The following CSMD3 variants were observed in gnomAD, a reference collection of about 807,000 sequenced individuals.
CSMD3 encodes CUB and sushi domain-containing protein 3.
A neutral mutation model predicts 435.2 loss-of-function variants in CSMD3; 177 were observed. That is an observed-to-expected ratio of 0.41 (90% CI 0.36 to 0.46). The LOEUF (loss-of-function observed/expected upper bound fraction) is 0.46. Ranked by LOEUF, CSMD3 falls within the 20% of genes least tolerant of loss-of-function variation. The pLI is 0.34. For synonymous variants in CSMD3, 1,656 were observed against 1,520.5 expected (o/e 1.09, Z -2.07); for missense variants, 4,265 against 4,504.6 (o/e 0.95, Z 1.52).
chr8:112,703,856 G>T (rs1377815319), intron 13 of CSMD3, among the ~76,000 whole-genome samples: 1 of 152,088 alleles, frequency 6.6e-6, no homozygotes, highest in Non-Finnish European at 1.5e-5. Flanking sequence ...TTTTGAGGAG[G>T]AAATCTATAA....
In CSMD3 at chr8:112,689,874, A is replaced by T. The variant is rs2131823638; in HGVS notation, c.2149T>A (p.Cys717Ser). The T allele has an allele frequency of 6.2e-7, 1 of 1,612,824 alleles. No individual in the cohort carries two copies. The highest frequency in any genetic ancestry group is 8.5e-7 in the Non-Finnish European group (1 of 1,179,000). The change falls in exon 14 of 71, where the codon TGT (cysteine) becomes AGT (serine). Residue 717 changes from cysteine to serine, a missense_variant. Cys to Ser is a moderately radical substitution (Grantham distance 112). Transcript: ENST00000297405. ...NNQWSANIPI[C>S]IFPCLSNFTA... ...CAAAGCATTTGGTACTCACAGATAC[A>T]GATGGGTATGTTTGCAGACCATTGG... is the stretch of plus-strand genomic sequence containing the variant.
chr8:112,713,773 A>T (rs1265309992), intron 13 of CSMD3, among the ~76,000 whole-genome samples: 1 of 152,200 alleles, frequency 6.6e-6, no homozygotes, highest in Non-Finnish European at 1.5e-5. Context: ...AATATTCAAC[A>T]TTCTTAAAAG....
chr8:112,742,189 C>T (rs944851814), intron 13 of CSMD3, among the ~76,000 whole-genome samples: 1 of 151,908 alleles, frequency 6.6e-6, no homozygotes, highest in Non-Finnish European at 1.5e-5. Flanking sequence ...AGAATCTGGA[C>T]TGCTAGTAAT....
At chr8:112,365,468 CT>C (rs546920182) in intron 38 of CSMD3, among the ~76,000 whole-genome samples, 10,859 of 111,998 alleles carry the variant, frequency 0.097, 1,150 homozygotes, top group African/African-American at 0.28. Flanking sequence ...CATAGATTTC[CT>C]TTTTTTTTTT....
chr8:112,475,532 G>A (rs185516864), intron 31 of CSMD3, among the ~76,000 whole-genome samples: 134 of 152,186 alleles, frequency 8.8e-4, no homozygotes, highest in African/African-American at 3.1e-3. Context: ...TAATTATGCA[G>A]TGTGTTATTA....
chr8:113,277,574 T>G (rs759020959), intron 3 of CSMD3, among the ~76,000 whole-genome samples: 1 of 151,982 alleles, frequency 6.6e-6, no homozygotes, highest in Non-Finnish European at 1.5e-5. Flanking sequence ...TGTGATTGTT[T>G]TCTTTAAACA....
intron 1 of CSMD3, among the ~76,000 whole-genome samples, chr8:113,410,315 A>G (rs558160363): frequency 4.5e-4 from 68 of 152,224 alleles, no homozygotes; most frequent in Middle Eastern, 3.4e-3. Flanking sequence ...ATCACCTACT[A>G]TCTCCTTAAT....
intron 3 of CSMD3, among the ~76,000 whole-genome samples, chr8:113,243,683 G>C (rs2093244708): frequency 1.3e-5 from 2 of 152,042 alleles, no homozygotes; most frequent in South Asian, 4.1e-4. Flanking sequence ...TTGAGTAACT[G>C]TCAAACTGTT....
At chr8:112,747,666 C>G (rs1034434028) in intron 13 of CSMD3, among the ~76,000 whole-genome samples, 21 of 152,108 alleles carry the variant, frequency 1.4e-4, no homozygotes, top group African/African-American at 5.1e-4. Flanking sequence ...GGCTGTGTCT[C>G]TATAAAACTT....
At chr8:112,410,626 G>GTGTATATATA (rs1832285043) in intron 32 of CSMD3, among the ~76,000 whole-genome samples, 1 of 33,468 alleles carries the variant, frequency 3.0e-5, no homozygotes, top group Admixed American at 2.8e-4. Flanking sequence ...GTATATATAT[G>GTGTATATATA]TGTATATATA....
At chr8:112,941,857 C>T (rs914005652) in intron 9 of CSMD3, among the ~76,000 whole-genome samples, 1 of 151,086 alleles carries the variant, frequency 6.6e-6, no homozygotes, top group Non-Finnish European at 1.5e-5. Context: ...CAAACACTAC[C>T]CCTCTCTCCC....
chr8:113,301,888 G>C (rs770507435), intron 2 of CSMD3, among the ~76,000 whole-genome samples: 44 of 152,008 alleles, frequency 2.9e-4, no homozygotes, highest in Non-Finnish European at 8.8e-5. Flanking sequence ...CGTTTTAACA[G>C]AAAATAGGTC....
intron 1 of CSMD3, among the ~76,000 whole-genome samples, chr8:113,365,981 T>G (rs373269958): frequency 7.2e-5 from 11 of 152,010 alleles, no homozygotes; most frequent in African/African-American, 2.4e-4. Context: ...ATCAATACAT[T>G]TAAAAATATT....
In CSMD3 at chr8:113,366,665, T is replaced by C. The variant is rs573873835; in HGVS notation, c.179-51872A>G. On this transcript the variant is annotated intron_variant, in intron 1 of 70. Transcript: ENST00000297405. ...TTCCAAAATGATGTCTTGAGAAAAC[T>C]AGAAGTTTGAGCGTATACCATGTGT... Among the ~76,000 whole-genome samples, 28 of 152,174 alleles carry C rather than the reference T, an allele frequency of 1.8e-4. No individual in the cohort carries two copies. The East Asian group carries it at 5.2e-3, about 28-fold the overall frequency.
chr8:113,420,530 A>G (rs545720188), intron 1 of CSMD3, among the ~76,000 whole-genome samples: 1 of 152,304 alleles, frequency 6.6e-6, no homozygotes, highest in South Asian at 2.1e-4. Context: ...ATTAGAAAAA[A>G]TGCTTAATAT....
intron 1 of CSMD3, among the ~76,000 whole-genome samples, chr8:113,336,207 A>G (rs1217354117): frequency 2.6e-5 from 4 of 151,880 alleles, no homozygotes; most frequent in Non-Finnish European, 5.9e-5. Context: ...GTTGATCCCA[A>G]TAATTGAGCT....
intron 10 of CSMD3, among the ~76,000 whole-genome samples, chr8:112,876,056 C>A (rs2081272798): frequency 6.6e-6 from 1 of 152,050 alleles, no homozygotes; most frequent in South Asian, 2.1e-4. Context: ...GTGGATTTAT[C>A]TACCAACGGT....
intron 1 of CSMD3, among the ~76,000 whole-genome samples, chr8:113,402,192 T>A (rs2094513366): frequency 1.3e-5 from 2 of 150,766 alleles, no homozygotes; most frequent in African/African-American, 2.4e-5. Flanking sequence ...ATTTTTTATC[T>A]TTTATCTTAA....
At chr8:113,107,435 C>T (rs2090512475) in intron 4 of CSMD3, among the ~76,000 whole-genome samples, 1 of 152,206 alleles carries the variant, frequency 6.6e-6, no homozygotes, top group Non-Finnish European at 1.5e-5. Context: ...AATTGTCCCC[C>T]AGTTTCCGCC....
Sources: gnomAD v4.1 joint callset for allele counts (sites outside exome capture counted in the v4.1 genomes callset) on GRCh38, gnomAD v4.1.1 for gene constraint, MANE v1.5 for transcripts, NCBI Gene and HGNC (gene_info 2026-07-23, HGNC 2026-07-21) for gene names.